The following KCNQ1 variants were observed in gnomAD, a reference collection of about 807,000 sequenced individuals.
KCNQ1 encodes the protein potassium voltage-gated channel subfamily KQT member 1.
A neutral mutation model predicts 72.4 loss-of-function variants in KCNQ1; 49 were observed. The observed-to-expected ratio is 0.68, with a 90% CI of 0.54 to 0.86. The LOEUF is 0.86. Ranked by LOEUF, KCNQ1 falls within the 40% of genes least tolerant of loss-of-function variation. The pLI, the probability that KCNQ1 is intolerant of heterozygous loss-of-function variation, is 0.00. For synonymous variants in KCNQ1, 450 were observed against 412.6 expected (o/e 1.09, Z -1.10); for missense variants, 790 against 945.1 (o/e 0.84, Z 2.15).
At chr11:2,454,883 C>T (rs745732370) in intron 1 of KCNQ1, among the ~76,000 whole-genome samples, 7 of 152,122 alleles carry the variant, frequency 4.6e-5, no homozygotes, top group Non-Finnish European at 8.8e-5. Flanking sequence ...ACTTTCACCA[C>T]TCCTATTCAA....
chr11:2,750,160 A>G lies in KCNQ1; in HGVS notation c.1515-18684A>G, dbSNP rs11023989. Among the ~76,000 whole-genome samples, 102,608 of 151,998 alleles carry G rather than the reference A, an allele frequency of 0.68. 35,164 individuals are homozygous for G. Among genetic ancestry groups the G allele is most frequent in the African/African-American group, 0.78 (32,513 of 41,456 alleles). On this transcript the variant is annotated intron_variant, in intron 11 of 15. Transcript: ENST00000155840. This position sits in a 1 kb window ranked among gnomAD's most constrained non-coding sequence, Gnocchi z 6.3. ...CCTGAGTGAGGCACTGTGGGCCCAG[A>G]GTCCAGGTCAGCGCCAGGGGCAGCA...
intron 11 of KCNQ1, among the ~76,000 whole-genome samples, chr11:2,755,057 G>A (rs147675741): frequency 6.6e-6 from 1 of 152,316 alleles, no homozygotes; most frequent in Non-Finnish European, 1.5e-5. Flanking sequence ...GGCGTCATTA[G>A]GGCTAGAGGT....
chr11:2,654,984 A>G lies in KCNQ1; in HGVS notation c.1394-6977A>G. On this transcript the variant is annotated intron_variant, in intron 10 of 15. Coordinates refer to ENST00000155840, the MANE Select transcript of KCNQ1 (RefSeq NM_000218.3). This position sits in a 1 kb window ranked among gnomAD's most constrained non-coding sequence, Gnocchi z 6.4. ...TTGACTTGGAAAAGTATCATGCAAA[A>G]TAGAAAACACAGACACAATAAGGAA... 1 of 398,678 alleles carries G rather than the reference A, an allele frequency of 2.5e-6. No individual in the cohort carries two copies. Among genetic ancestry groups the G allele is most frequent in the Non-Finnish European group, 4.4e-6 (1 of 226,090 alleles). 24.7% of individuals were successfully genotyped at this position (398,678 alleles called of 1,614,324 possible).
Position 2,515,651 on chromosome 11 carries a change from C to A in KCNQ1, c.387-12277C>A, listed in dbSNP as rs1246333087. On this transcript the variant is annotated intron_variant, in intron 1 of 15. Coordinates refer to ENST00000155840, the MANE Select transcript of KCNQ1 (RefSeq NM_000218.3). The surrounding 1 kb of genome is among the most constrained non-coding windows in gnomAD (Gnocchi z 4.7). ...ACCCTAGGCAGGCCTCTCACAGAGA[C>A]AAGACGAGTGTCCTAGGGCAGATAG... 6.6e-6 allele frequency among the ~76,000 whole-genome samples: 1 copy of A among 152,148 alleles called. No homozygotes were observed. The highest frequency in any genetic ancestry group is 1.5e-5 in the Non-Finnish European group (1 of 67,996).
chr11:2,780,595 G>A (rs957523434), intron 15 of KCNQ1, among the ~76,000 whole-genome samples: 1 of 152,200 alleles, frequency 6.6e-6, no homozygotes, highest in Non-Finnish European at 1.5e-5. Flanking sequence ...CAGCCCCTCA[G>A]CTGGGCTGTG....
At position 2,621,812 on chromosome 11, in the gene KCNQ1, T is replaced by C; in HGVS notation, c.1393+32958T>C. The C allele has an allele frequency of 2.5e-6, 1 of 398,356 alleles. No homozygotes were observed. Among genetic ancestry groups the C allele is most frequent in the Non-Finnish European group, 4.4e-6 (1 of 225,946 alleles). 24.7% of individuals were successfully genotyped at this position (398,356 alleles called of 1,614,324 possible). Reference sequence around the variant, plus strand: ...TTATTTTTCAAAAATCAATTCTTTGTTTCAAAAATTGAAGTCTTAGTTTTA... The same window carrying C: ...TTATTTTTCAAAAATCAATTCTTTGCTTCAAAAATTGAAGTCTTAGTTTTA... On this transcript the variant is annotated intron_variant, in intron 10 of 15. Coordinates refer to ENST00000155840, the MANE Select transcript of KCNQ1 (RefSeq NM_000218.3). The surrounding 1 kb of genome is among the most constrained non-coding windows in gnomAD (Gnocchi z 5.7).
chr11:2,755,159 A>G (rs976855280), intron 11 of KCNQ1, among the ~76,000 whole-genome samples: 2 of 151,100 alleles, frequency 1.3e-5, no homozygotes, highest in East Asian at 3.9e-4. Flanking sequence ...CTTCAGAGCC[A>G]TCATGTTCCT....
chr11:2,491,992 A>G lies in KCNQ1; in HGVS notation c.387-35936A>G, dbSNP rs1846842904. 6.6e-6 allele frequency among the ~76,000 whole-genome samples: 1 copy of G among 152,202 alleles called. No homozygotes were observed. Among genetic ancestry groups the G allele is most frequent in the South Asian group, 2.1e-4 (1 of 4,830 alleles). ...GTATATCTGGTGAAAATATCCTTCCAACATGAAGGAGAAATACAGACCTTC... is the reference window on the plus strand; with the variant it reads ...GTATATCTGGTGAAAATATCCTTCCGACATGAAGGAGAAATACAGACCTTC... On this transcript the variant is annotated intron_variant, in intron 1 of 15. Transcript: ENST00000155840. The surrounding 1 kb of genome is among the most constrained non-coding windows in gnomAD (Gnocchi z 4.1).
chr11:2,502,486 T>C (rs183307954), intron 1 of KCNQ1, among the ~76,000 whole-genome samples: 348 of 152,222 alleles, frequency 2.3e-3, no homozygotes, highest in African/African-American at 7.6e-3. Context: ...ACCAAAGAAG[T>C]GAGAGATCTC....
chr11:2,658,866 C>A lies in KCNQ1; in HGVS notation c.1394-3095C>A, dbSNP rs1849899580. ...AACCTGGCTCCCATTACCTACAGTT[C>A]ATTTACTTATTTGTGTAACCCTATT... On this transcript the variant is annotated intron_variant, in intron 10 of 15. Transcript: ENST00000155840. The surrounding 1 kb of genome is among the most constrained non-coding windows in gnomAD (Gnocchi z 4.9). 1 of 398,402 alleles carries A rather than the reference C, an allele frequency of 2.5e-6. No individual in the cohort carries two copies. Among genetic ancestry groups the A allele is most frequent in the Non-Finnish European group, 4.4e-6 (1 of 226,030 alleles). The allele number at this position is 398,402 out of a possible 1,614,324, so 24.7% of individuals were successfully genotyped here. A position where few individuals can be genotyped will look rare whatever the true frequency, so the allele number is the denominator to read the frequency against.
chr11:2,688,423 C>T (rs995887020), intron 11 of KCNQ1: 2 of 398,748 alleles, frequency 5.0e-6, no homozygotes, highest in Non-Finnish European at 8.8e-6. Flanking sequence ...AGGCACTGGG[C>T]CCCAGCCCCT....
rs1850512350 is a variant in KCNQ1 at position 2,687,573 on chromosome 11, G to A, written c.1514+25492G>A. 1 of 398,592 alleles carries A rather than the reference G, an allele frequency of 2.5e-6. No individual in the cohort carries two copies. Among genetic ancestry groups the A allele is most frequent in the Non-Finnish European group, 4.4e-6 (1 of 226,160 alleles). The allele number at this position is 398,592 out of a possible 1,614,324, so 24.7% of individuals were successfully genotyped here. A position where few individuals can be genotyped will look rare whatever the true frequency, so the allele number is the denominator to read the frequency against. On this transcript the variant is annotated intron_variant, in intron 11 of 15. Transcript: ENST00000155840. This position sits in a 1 kb window ranked among gnomAD's most constrained non-coding sequence, Gnocchi z 5.0. ...CCACAGCCCACTCTGATGACCCCCT[G>A]TCAAGGAGGTGTGACTGAGAAAGGA...
rs1849772989 is a variant in KCNQ1, at chr11:2,652,529, G to A, written c.1394-9432G>A. On this transcript the variant is annotated intron_variant, in intron 10 of 15. Transcript: ENST00000155840. The surrounding 1 kb of genome is among the most constrained non-coding windows in gnomAD (Gnocchi z 5.9). ...GAATGTCCTGTGAGCTCAACTCTTG[G>A]AGAAGATAGTGCTTAACCCAGATTC... 2 of 398,550 alleles carry A rather than the reference G, an allele frequency of 5.0e-6. No homozygotes were observed. Among genetic ancestry groups the A allele is most frequent in the Admixed American group, 8.8e-5 (2 of 22,740 alleles). The allele number at this position is 398,550 out of a possible 1,614,324, so 24.7% of individuals were successfully genotyped here.
At chr11:2,804,418 G>A (rs184861592) in intron 15 of KCNQ1, among the ~76,000 whole-genome samples, 2 of 152,174 alleles carry the variant, frequency 1.3e-5, no homozygotes, top group Admixed American at 6.5e-5. Context: ...GAACCCCGCC[G>A]CCCTGGGCAG....
rs767226419 is a variant in KCNQ1, at chr11:2,497,120, G to A, written c.387-30808G>A. Reference sequence around the variant, plus strand: ...ACGTTTTGTCCTTCATTTAAACCTTGGAGAATCTGACAATTATATGTCTTG... The same window carrying A: ...ACGTTTTGTCCTTCATTTAAACCTTAGAGAATCTGACAATTATATGTCTTG... On this transcript the variant is annotated intron_variant, in intron 1 of 15. Coordinates refer to ENST00000155840, the MANE Select transcript of KCNQ1 (RefSeq NM_000218.3). The surrounding 1 kb of genome is among the most constrained non-coding windows in gnomAD (Gnocchi z 4.5). 6.6e-6 allele frequency among the ~76,000 whole-genome samples: 1 copy of A among 152,110 alleles called. No homozygotes were observed. The highest frequency in any genetic ancestry group is 1.5e-5 in the Non-Finnish European group (1 of 68,018).
At chr11:2,700,904 G>A (rs1850799723) in intron 11 of KCNQ1, among the ~76,000 whole-genome samples, 1 of 152,224 alleles carries the variant, frequency 6.6e-6, no homozygotes, top group Admixed American at 6.5e-5. Flanking sequence ...ACAAAAGCCT[G>A]GGTCACAAAA....
chr11:2,643,042 A>AAT (rs533967321), intron 10 of KCNQ1: 20 of 397,738 alleles, frequency 5.0e-5, no homozygotes, highest in Admixed American at 8.8e-5. Flanking sequence ...TCCAATTTAA[A>AAT]ATATATATAT....
intron 1 of KCNQ1, among the ~76,000 whole-genome samples, chr11:2,503,018 A>G (rs1847042261): frequency 6.6e-6 from 1 of 152,188 alleles, no homozygotes. Context: ...ATCTCTCACC[A>G]TATAAAAAAA....
chr11:2,527,805 T>C, intron 1 of KCNQ1, 123 bp from the exon 2 acceptor site: 1 of 813,892 alleles, frequency 1.2e-6, no homozygotes, highest in Non-Finnish European at 2.1e-6. Flanking sequence ...ATGACTGGGT[T>C]TTCGAAGCAC....
Sources: gnomAD v4.1 joint callset for allele counts (sites outside exome capture counted in the v4.1 genomes callset) on GRCh38, gnomAD v4.1.1 for gene constraint, Gnocchi (gnomAD v3.1) non-coding constraint, MANE v1.5 for transcripts, NCBI Gene and HGNC (gene_info 2026-07-23, HGNC 2026-07-21) for gene names.